UNC80: variants seen among roughly 807,000 people sequenced by gnomAD.
UNC80 encodes protein unc-80 homolog.
Under a neutral mutation model 384.6 loss-of-function variants are expected in UNC80, and 164 were observed. That is an observed-to-expected ratio of 0.43 (90% CI 0.38 to 0.49). The LOEUF (loss-of-function observed/expected upper bound fraction) is 0.49, where lower values mean the gene tolerates loss of function less well. Ranked by LOEUF, UNC80 falls within the 20% of genes least tolerant of loss-of-function variation. The pLI is 0.00. For synonymous variants in UNC80, 1,486 were observed against 1,527.8 expected (o/e 0.97, Z 0.64); for missense variants, 3,330 against 4,143.0 (o/e 0.80, Z 5.39).
Position 209,994,081 on chromosome 2 carries a change from T to C in UNC80, c.9525T>C (p.Ser3175=), listed in dbSNP as rs979390968. The C allele has an allele frequency of 6.4e-7, 1 of 1,551,182 alleles. No individual in the cohort carries two copies. The stretch of plus-strand genomic sequence containing the variant: ...TACCTGCAGCGGATCAGAAACGATC[T>C]GTGACCTTCATTGAGGCTCAGCCAG... ...KTKPSADQKR[S]VTFIEAQPEP... is the part of the protein sequence containing the mutation. Residue 3175 remains serine (S), a synonymous_variant, in exon 64 of 65, where the codon TCT becomes TCC. Transcript: ENST00000673920.
chr2:209,900,541 A>G (rs1334212214), intron 28 of UNC80, among the ~76,000 whole-genome samples: 2 of 152,196 alleles, frequency 1.3e-5, no homozygotes, highest in African/African-American at 4.8e-5. Flanking sequence ...GGGCCTCCCT[A>G]TTCCCTGAGA....
chr2:209,837,105 T>C (rs1400706893), intron 18 of UNC80, among the ~76,000 whole-genome samples: 1 of 150,742 alleles, frequency 6.6e-6, no homozygotes, highest in Admixed American at 6.6e-5. Context: ...GAATACCCTA[T>C]TTTTTAAAAA....
chr2:209,943,708 C>T (rs748775162), intron 45 of UNC80, among the ~76,000 whole-genome samples, 194 bp downstream of exon 45: 36 of 152,156 alleles, frequency 2.4e-4, no homozygotes, highest in Non-Finnish European at 4.4e-4. Flanking sequence ...CTGATTGGAG[C>T]TATTGGCCTG....
At chr2:209,833,069 C>A (rs1042011939) in intron 16 of UNC80, among the ~76,000 whole-genome samples, 3 of 152,174 alleles carry the variant, frequency 2.0e-5, no homozygotes, top group African/African-American at 7.2e-5. Flanking sequence ...GGAACTACTG[C>A]AGAGCAGAGT....
chr2:209,793,959 T>C, intron 7 of UNC80, 100 bp downstream of exon 7: 21 of 1,391,132 alleles, frequency 1.5e-5, no homozygotes, highest in Non-Finnish European at 2.1e-5. Context: ...TTAAAATATG[T>C]ATTTGCATAA....
At chr2:209,866,688 T>C (rs925151815) in intron 22 of UNC80, among the ~76,000 whole-genome samples, 2 of 152,226 alleles carry the variant, frequency 1.3e-5, no homozygotes, top group East Asian at 3.8e-4. Context: ...AAGTTTCAAG[T>C]ACTACATTTT....
intron 38 of UNC80, among the ~76,000 whole-genome samples, chr2:209,932,931 A>G (rs1391165544): frequency 6.6e-6 from 1 of 152,188 alleles, no homozygotes; most frequent in Non-Finnish European, 1.5e-5. Context: ...TAGGGTGTCC[A>G]GCATTTAGAA....
chr2:209,913,476 A>G (rs1574992534), intron 30 of UNC80, among the ~76,000 whole-genome samples: 1 of 152,186 alleles, frequency 6.6e-6, no homozygotes, highest in Non-Finnish European at 1.5e-5. Context: ...AAAATCTATG[A>G]AGACTTTTAA....
In UNC80 at chr2:209,861,961, T is replaced by G. The variant is rs911827955; in HGVS notation, c.3628-10797T>G. Among the ~76,000 whole-genome samples, 6 of 152,216 alleles carry G rather than the reference T, an allele frequency of 3.9e-5. No homozygotes were observed. The South Asian group carries it at 1.2e-3, about 31-fold the overall frequency. On this transcript the variant is annotated intron_variant, in intron 22 of 64. Transcript: ENST00000673920. ...TAATCTAGCTAGTGGTCTATCTATTTTGCTTATTTTTTCAAAACACCAGCT... is the reference window on the plus strand; with the variant it reads ...TAATCTAGCTAGTGGTCTATCTATTGTGCTTATTTTTTCAAAACACCAGCT...
chr2:209,825,118 T>A (rs1008928314), intron 13 of UNC80, among the ~76,000 whole-genome samples: 1 of 152,174 alleles, frequency 6.6e-6, no homozygotes, highest in Non-Finnish European at 1.5e-5. Context: ...GTAGAAGGAC[T>A]GAGACAGGCT....
rs558674041 is a variant in UNC80 at position 209,892,008 on chromosome 2, A to G, written c.4277-2155A>G. ...TTTAGAATAGTAGGAGATGGGTTGG[A>G]AATGTATGCAAAGGGCAAACAGGGT... On this transcript the variant is annotated intron_variant, in intron 26 of 64. Transcript: ENST00000673920. Among the ~76,000 whole-genome samples, 13 of 152,344 alleles carry G rather than the reference A, an allele frequency of 8.5e-5. No homozygotes were observed. The East Asian group carries it at 1.9e-3, about 23-fold the overall frequency.
chr2:209,931,150 T>C (rs2090831205), intron 38 of UNC80, 96 bp downstream of exon 38: 3 of 903,144 alleles, frequency 3.3e-6, no homozygotes, highest in African/African-American at 3.3e-5. Flanking sequence ...ATTACATTAC[T>C]AAAGGCAAAT....
chr2:209,797,394 A>G (rs1450201825), intron 7 of UNC80, among the ~76,000 whole-genome samples: 3 of 151,476 alleles, frequency 2.0e-5, no homozygotes, highest in East Asian at 1.9e-4. Flanking sequence ...TCAATGTTCA[A>G]CTCCCACTTA....
intron 36 of UNC80, 71 bp from the exon 37 acceptor site, chr2:209,929,800 T>C: frequency 8.4e-7 from 1 of 1,190,232 alleles, no homozygotes; most frequent in South Asian, 1.6e-5. Context: ...AGCTTGTAAA[T>C]TGTCAAATAC....
intron 55 of UNC80, among the ~76,000 whole-genome samples, chr2:209,972,831 G>A (rs1022761254): frequency 3.3e-5 from 5 of 152,184 alleles, no homozygotes; most frequent in Non-Finnish European, 4.4e-5. Context: ...AATGGTAAGC[G>A]AGACATTTGG....
intron 28 of UNC80, among the ~76,000 whole-genome samples, chr2:209,897,545 T>C (rs1214597146): frequency 2.7e-4 from 41 of 152,216 alleles, no homozygotes; most frequent in Non-Finnish European, 4.4e-5. Context: ...CACATCCATT[T>C]AGAATCACCC....
At chr2:209,832,274 C>G (rs2081028882) in intron 16 of UNC80, among the ~76,000 whole-genome samples, 1 of 151,906 alleles carries the variant, frequency 6.6e-6, no homozygotes, top group Non-Finnish European at 1.5e-5. Flanking sequence ...CTCATGTAAC[C>G]AAATATCATC....
rs1237084641 is a variant in UNC80 at position 209,957,648 on chromosome 2, A to G, written c.7462A>G (p.Met2488Val). 3.9e-6 allele frequency: 6 copies of G among 1,551,250 alleles called. No homozygotes were observed. Among genetic ancestry groups the G allele is most frequent in the Non-Finnish European group, 5.2e-6 (6 of 1,146,694 alleles). ...TGATTACTGTCATTGTTACAGGCCC[A>G]TGACAGCCCCACAGATGAGCAGGTG... is the stretch of plus-strand genomic sequence containing the variant. ...LYSVEVLTRP[M>V]TAPQMSRCDQ... is the part of the protein sequence containing the mutation. The change falls in exon 49 of 65, where the codon ATG becomes GTG. Residue 2488 changes from methionine to valine, a missense_variant. This residue lies in a region of UNC80 where 1,049 missense variants were observed against 1,488.6 expected (regional missense o/e 0.70). Transcript: ENST00000673920.
chr2:209,781,945 C>T (rs1329944836), intron 4 of UNC80, among the ~76,000 whole-genome samples: 1 of 152,172 alleles, frequency 6.6e-6, no homozygotes, highest in African/African-American at 2.4e-5. Context: ...TTCACTATCC[C>T]TCATCCTTAC....
Sources: gnomAD v4.1 joint callset for allele counts (sites outside exome capture counted in the v4.1 genomes callset) on GRCh38, gnomAD v4.1.1 for gene constraint, gnomAD v4.1.1 regional missense constraint, MANE v1.5 for transcripts, NCBI Gene and HGNC (gene_info 2026-07-23, HGNC 2026-07-21) for gene names.